Variants in TRHDE observed in about 807,000 individuals in gnomAD.
The protein encoded by TRHDE is thyrotropin releasing hormone degrading enzyme.
Under a neutral mutation model 125.7 loss-of-function variants are expected in TRHDE, and 72 were observed. The observed-to-expected ratio is 0.57, with a 90% CI of 0.47 to 0.70. TRHDE has a LOEUF of 0.70. Ranked by LOEUF, TRHDE falls within the 30% of genes least tolerant of loss-of-function variation. TRHDE has a pLI of 0.00. For synonymous variants in TRHDE, 509 were observed against 509.1 expected (o/e 1.00, Z 0.00); for missense variants, 1,110 against 1,327.1 (o/e 0.84, Z 2.54).
In TRHDE at chr12:72,140,743, G is replaced by A. The variant is rs545803282; in HGVS notation, n.279+34991G>A. Among the ~76,000 whole-genome samples the A allele has an allele frequency of 1.8e-4, 28 of 152,324 alleles. 1 individual carries two copies. Among genetic ancestry groups the A allele is most frequent in the Admixed American group, 1.1e-3 (17 of 15,304 alleles). On this transcript the variant is annotated intron_variant and non_coding_transcript_variant, in intron 2 of 4. Coordinates refer to the TRHDE transcript ENST00000548156. ...GCATGGCCTAGTACTTAGTCTGGGA[G>A]TTCTCTGCTGCCCATTTTCCCTGTG...
intron 3 of TRHDE, among the ~76,000 whole-genome samples, chr12:72,425,501 A>G (rs571934761): frequency 6.6e-6 from 1 of 152,066 alleles, no homozygotes; most frequent in East Asian, 1.9e-4. Flanking sequence ...TAAGTTATCA[A>G]ATCAATTGAG....
At chr12:72,366,684 TG>T in intron 2 of TRHDE, among the ~76,000 whole-genome samples, 1 of 152,074 alleles carries the variant, frequency 6.6e-6, no homozygotes, top group African/African-American at 2.4e-5. Flanking sequence ...ATAAGGGCCA[TG>T]GGGCCCAAAA....
intron 12 of TRHDE, among the ~76,000 whole-genome samples, chr12:72,606,074 C>A (rs762642130): frequency 2.6e-5 from 4 of 152,114 alleles, no homozygotes; most frequent in African/African-American, 4.8e-5. Context: ...CAGTGTTGAC[C>A]AACATGCTGC....
rs1425917299 is a variant in TRHDE at position 72,499,550 on chromosome 12, G to C, written c.1637G>C (p.Gly546Ala). ...CTGCATGAAGTGATGCTGCTGGACGGTTTGGCCAGTTCCCATCCAGTATCA... is the reference window on the plus strand; with the variant it reads ...CTGCATGAAGTGATGCTGCTGGACGCTTTGGCCAGTTCCCATCCAGTATCA... ...DVLHEVMLLD[G>A]LASSHPVSQE... The change falls in exon 6 of 19, where the codon GGT (glycine) becomes GCT (alanine). Residue 546 changes from glycine (G) to alanine (A), a missense_variant. Gly to Ala is a moderately conservative substitution (Grantham distance 60). Coordinates refer to ENST00000261180, the MANE Select transcript of TRHDE (RefSeq NM_013381.3). 6.2e-7 allele frequency: 1 copy of C among 1,613,900 alleles called. No individual in the cohort carries two copies. Among genetic ancestry groups the C allele is most frequent in the South Asian group, 1.1e-5 (1 of 91,088 alleles).
At chr12:72,264,671 G>T (rs1405238084) in intron 2 of TRHDE, 1 of 151,816 alleles carries the variant, frequency 6.6e-6, no homozygotes, top group Non-Finnish European at 1.5e-5. Flanking sequence ...ACATTTCTTT[G>T]TAAGTCTAGC....
chr12:72,518,344 A>G (rs889507434), intron 6 of TRHDE, among the ~76,000 whole-genome samples: 7 of 148,294 alleles, frequency 4.7e-5, no homozygotes, highest in Non-Finnish European at 7.4e-5. Context: ...TTGGGTGCAT[A>G]TATATTTAGG....
At chr12:72,183,428 G>A (rs1010070857) in intron 2 of TRHDE, among the ~76,000 whole-genome samples, 11 of 152,096 alleles carry the variant, frequency 7.2e-5, no homozygotes, top group African/African-American at 2.2e-4. Context: ...ATTATTAAAC[G>A]CTTTCTTTAG....
chr12:72,215,315 T>C (rs1399643522), intron 2 of TRHDE, among the ~76,000 whole-genome samples: 1 of 152,068 alleles, frequency 6.6e-6, no homozygotes, highest in Non-Finnish European at 1.5e-5. Flanking sequence ...TACACTTCTT[T>C]TGTGGTGGAA....
At chr12:72,480,140 C>T (rs1167281167) in intron 5 of TRHDE, among the ~76,000 whole-genome samples, 153 of 151,436 alleles carry the variant, frequency 1.0e-3, no homozygotes, top group African/African-American at 3.6e-3. Context: ...CATGTGTCTT[C>T]ATAGTAGCAT....
At chr12:72,161,753 C>T (rs1876643150) in intron 2 of TRHDE, among the ~76,000 whole-genome samples, 2 of 152,122 alleles carry the variant, frequency 1.3e-5, no homozygotes, top group African/African-American at 4.8e-5. Context: ...AATGAGTTGG[C>T]TAATTTGGTG....
intron 2 of TRHDE, among the ~76,000 whole-genome samples, chr12:72,258,412 ATCT>A (rs1878867437): frequency 6.6e-6 from 1 of 152,082 alleles, no homozygotes; most frequent in African/African-American, 2.4e-5. Flanking sequence ...TAATTAGTTC[ATCT>A]TCTTTTCCAT....
intron 14 of TRHDE, 154 bp downstream of exon 14, chr12:72,621,359 A>G: frequency 3.3e-6 from 2 of 611,386 alleles, no homozygotes; most frequent in South Asian, 2.1e-5. Context: ...TGGGTAGCAC[A>G]GTTTCCATTG....
rs560691657 is a variant in TRHDE, at chr12:72,641,067, T to C, written c.2676-11255T>C. Among the ~76,000 whole-genome samples the C allele has an allele frequency of 1.2e-4, 18 of 152,248 alleles. No individual in the cohort carries two copies. The East Asian group carries it at 3.1e-3, about 26-fold the overall frequency. On this transcript the variant is annotated intron_variant, in intron 15 of 18. Transcript: ENST00000261180. ...TGTGTTTATCCCTGTCCAATTAGGG[T>C]AAAAAATGAAGCCCAAAGAAATGAC...
chr12:72,330,396 G>T (rs1852923987), intron 2 of TRHDE, among the ~76,000 whole-genome samples: 1 of 151,992 alleles, frequency 6.6e-6, no homozygotes, highest in Non-Finnish European at 1.5e-5. Context: ...GCACATAGTT[G>T]GTTCATGTGG....
At chr12:72,637,290 T>G (rs1186418401) in intron 15 of TRHDE, among the ~76,000 whole-genome samples, 1 of 152,238 alleles carries the variant, frequency 6.6e-6, no homozygotes, top group East Asian at 1.9e-4. Flanking sequence ...TTTATTTGCA[T>G]AGAGGTGTTT....
chr12:72,353,729 C>A (rs1411894562), intron 2 of TRHDE, among the ~76,000 whole-genome samples: 10 of 151,520 alleles, frequency 6.6e-5, no homozygotes, highest in Non-Finnish European at 1.5e-5. Flanking sequence ...AAAATAATAA[C>A]AAAATATACC....
intron 1 of TRHDE, among the ~76,000 whole-genome samples, chr12:72,105,345 T>C (rs1288358486): frequency 6.6e-6 from 1 of 152,084 alleles, no homozygotes; most frequent in Non-Finnish European, 1.5e-5. Context: ...AGATAAGTGA[T>C]GCTAAGTGAA....
rs377237322 is a variant in TRHDE, at chr12:72,108,803, A to G, written n.279+3051A>G. 2.0e-5 allele frequency among the ~76,000 whole-genome samples: 3 copies of G among 152,254 alleles called. 1 individual carries two copies. Among genetic ancestry groups the G allele is most frequent in the African/African-American group, 7.2e-5 (3 of 41,558 alleles). ...GGAACTGGCAACAATATCAAAACCT[A>G]CAGTCAACACAAAGAAACACAAACA... On this transcript the variant is annotated intron_variant and non_coding_transcript_variant, in intron 2 of 4. Transcript: ENST00000548156.
intron 2 of TRHDE, among the ~76,000 whole-genome samples, chr12:72,221,520 T>G (rs1418642245): frequency 6.6e-6 from 1 of 152,094 alleles, no homozygotes; most frequent in Non-Finnish European, 1.5e-5. Flanking sequence ...AGAAGAGTCC[T>G]ACTCATTATT....
Sources: gnomAD v4.1 joint callset for allele counts (sites outside exome capture counted in the v4.1 genomes callset) on GRCh38, gnomAD v4.1.1 for gene constraint, MANE v1.5 for transcripts, NCBI Gene and HGNC (gene_info 2026-07-23, HGNC 2026-07-21) for gene names.